ERBB4: variants seen among roughly 807,000 people sequenced by gnomAD.
ERBB4 encodes the protein receptor tyrosine-protein kinase erbB-4.
ERBB4 carries 42 observed loss-of-function variants against 158.0 expected under a neutral mutation model. The ratio of observed to expected loss-of-function variants is 0.27; its 90% confidence interval spans 0.21 to 0.34. The LOEUF (loss-of-function observed/expected upper bound fraction) is 0.34, where lower values mean the gene tolerates loss of function less well. ERBB4 is among the 10% of genes least tolerant of loss of function. The pLI is 1.00. For synonymous variants in ERBB4, 583 were observed against 558.7 expected (o/e 1.04, Z -0.61); for missense variants, 1,333 against 1,624.1 (o/e 0.82, Z 3.08).
At chr2:211,701,740 G>C (rs925559500) in intron 12 of ERBB4, among the ~76,000 whole-genome samples, 5 of 121,220 alleles carry the variant, frequency 4.1e-5, no homozygotes, top group South Asian at 2.7e-4. Context: ...TGGGGCAACA[G>C]AGCGAGACTC....
intron 20 of ERBB4, among the ~76,000 whole-genome samples, chr2:211,440,370 AAATT>A (rs2063946840): frequency 6.7e-6 from 1 of 150,112 alleles, no homozygotes; most frequent in African/African-American, 2.4e-5. Context: ...GTCTCTTTAG[AAATT>A]AATTAAAAAT....
chr2:212,327,809 T>A (rs1450394553), intron 1 of ERBB4, among the ~76,000 whole-genome samples: 1 of 150,218 alleles, frequency 6.7e-6, no homozygotes, highest in Non-Finnish European at 1.5e-5. Context: ...TAAAAATTAT[T>A]GGATTGTACA....
intron 2 of ERBB4, 73 bp downstream of exon 2, chr2:212,124,674 TCAGCA>T (rs2079865194): frequency 1.3e-6 from 2 of 1,505,678 alleles, no homozygotes; most frequent in South Asian, 2.3e-5. Context: ...CTTCCAGGTA[TCAGCA>T]CACAGGTCTG....
At chr2:211,578,466 A>G (rs1012061876) in intron 19 of ERBB4, among the ~76,000 whole-genome samples, 14 of 152,198 alleles carry the variant, frequency 9.2e-5, no homozygotes, top group Non-Finnish European at 1.9e-4. Context: ...TTTAAATTAT[A>G]TGGAACCAAA....
At chr2:212,520,488 T>A (rs1692095376) in intron 1 of ERBB4, among the ~76,000 whole-genome samples, 4 of 151,996 alleles carry the variant, frequency 2.6e-5, no homozygotes, top group Admixed American at 2.6e-4. Flanking sequence ...TCCCAGAAAC[T>A]GATGGAAATC....
intron 7 of ERBB4, among the ~76,000 whole-genome samples, chr2:211,721,464 A>AAAAAAAAAAAAAAAC (rs2074090314): frequency 6.7e-6 from 1 of 149,042 alleles, no homozygotes; most frequent in African/African-American, 2.5e-5. Context: ...AAAAAAAAAA[A>AAAAAAAAAAAAAAAC]ATAGAGTCAA....
chr2:211,624,586 G>A (rs1039028181), intron 17 of ERBB4, among the ~76,000 whole-genome samples: 1 of 152,108 alleles, frequency 6.6e-6, no homozygotes, highest in Non-Finnish European at 1.5e-5. Context: ...GGTGATCCTC[G>A]AACACATTTG....
At chr2:211,933,177 G>T (rs1302678568) in intron 3 of ERBB4, among the ~76,000 whole-genome samples, 1 of 152,012 alleles carries the variant, frequency 6.6e-6, no homozygotes, top group Non-Finnish European at 1.5e-5. Context: ...TTTGAAGCAT[G>T]ATACAATTTT....
intron 1 of ERBB4, among the ~76,000 whole-genome samples, chr2:212,244,664 A>T (rs2084245574): frequency 6.6e-6 from 1 of 152,094 alleles, no homozygotes; most frequent in Admixed American, 6.6e-5. Flanking sequence ...CATTTCCCTC[A>T]TGATTTGCCA....
At chr2:211,514,131 A>G (rs113909358) in intron 20 of ERBB4, among the ~76,000 whole-genome samples, 3,079 of 152,052 alleles carry the variant, frequency 0.02, 89 homozygotes, top group African/African-American at 0.07. Context: ...ATACCCCCTT[A>G]CCCTCTACTC....
chr2:212,094,120 A>C (rs1006765995), intron 2 of ERBB4, among the ~76,000 whole-genome samples: 2 of 152,004 alleles, frequency 1.3e-5, no homozygotes, highest in African/African-American at 4.8e-5. Flanking sequence ...GCAGTCCCCT[A>C]TGTTGAGGTG....
At chr2:212,410,932 C>T (rs929800558) in intron 1 of ERBB4, among the ~76,000 whole-genome samples, 1 of 152,004 alleles carries the variant, frequency 6.6e-6, no homozygotes, top group Non-Finnish European at 1.5e-5. Flanking sequence ...TACAGCTACA[C>T]TTTTTGATAT....
intron 3 of ERBB4, among the ~76,000 whole-genome samples, chr2:211,894,747 A>T (rs2079057103): frequency 6.6e-6 from 1 of 152,162 alleles, no homozygotes; most frequent in Non-Finnish European, 1.5e-5. Context: ...AGAAAGCTGA[A>T]GTAGTCTATG....
chr2:211,991,959 G>T (rs1469893352), intron 2 of ERBB4, among the ~76,000 whole-genome samples: 2 of 152,074 alleles, frequency 1.3e-5, no homozygotes, highest in African/African-American at 4.8e-5. Context: ...GGAGGGGACA[G>T]GACAATGTGA....
At chr2:212,349,335 T>A (rs2089154438) in intron 1 of ERBB4, among the ~76,000 whole-genome samples, 1 of 150,328 alleles carries the variant, frequency 6.7e-6, no homozygotes, top group South Asian at 2.1e-4. Flanking sequence ...TTCAAGTGTT[T>A]GACAGCCCTG....
intron 1 of ERBB4, among the ~76,000 whole-genome samples, chr2:212,190,932 C>T (rs2082170225): frequency 6.6e-6 from 1 of 152,028 alleles, no homozygotes; most frequent in African/African-American, 2.4e-5. Flanking sequence ...ATATAATATC[C>T]TAATGCATCT....
At chr2:211,473,850 A>T (rs2064889880) in intron 20 of ERBB4, among the ~76,000 whole-genome samples, 1 of 152,092 alleles carries the variant, frequency 6.6e-6, no homozygotes. Context: ...GTAAGATGGT[A>T]TATAAATACC....
At chr2:211,471,922 G>T (rs1035416103) in intron 20 of ERBB4, among the ~76,000 whole-genome samples, 1 of 152,022 alleles carries the variant, frequency 6.6e-6, no homozygotes, top group African/African-American at 2.4e-5. Context: ...CAAGAGGATC[G>T]CTTGAGGCCA....
chr2:211,387,695 G>A (rs2062715259), intron 26 of ERBB4, among the ~76,000 whole-genome samples: 2 of 152,112 alleles, frequency 1.3e-5, no homozygotes, highest in South Asian at 4.1e-4. Context: ...ACATCCAGAA[G>A]CATAATTTAT....
Sources: allele counts gnomAD v4.1 joint callset (sites outside exome capture counted in the v4.1 genomes callset), GRCh38; gene constraint gnomAD v4.1.1; transcripts MANE v1.5; gene names NCBI Gene and HGNC (gene_info 2026-07-23, HGNC 2026-07-21).